Variants in FOXN2 observed in about 807,000 individuals in gnomAD.
The protein encoded by FOXN2 is forkhead box protein N2.
FOXN2 carries 19 observed loss-of-function variants against 41.2 expected under a neutral mutation model. That is an observed-to-expected ratio of 0.46 (90% CI 0.32 to 0.68). FOXN2 has a LOEUF of 0.68. Ranked by LOEUF, FOXN2 falls within the 30% of genes least tolerant of loss-of-function variation. The pLI is 0.03. For missense variants in FOXN2, 587 were observed against 509.4 expected (o/e 1.15, Z -1.47); for synonymous variants, 195 against 176.8 (o/e 1.10, Z -0.82).
upstream of FOXN2, among the ~76,000 whole-genome samples, chr2:48,314,447 C>A (rs947695336): frequency 6.6e-6 from 1 of 152,242 alleles, no homozygotes; most frequent in Admixed American, 6.5e-5. Flanking sequence ...TGCATTTCAC[C>A]CCCACCCCAG....
chr2:48,318,162 C>G (rs1482825757), intron 1 of FOXN2, among the ~76,000 whole-genome samples: 1 of 152,134 alleles, frequency 6.6e-6, no homozygotes, highest in African/African-American at 2.4e-5. Context: ...TGTTCAATTT[C>G]CTACATTACA....
At chr2:48,322,560 T>G (rs972568223) in intron 1 of FOXN2, among the ~76,000 whole-genome samples, 2 of 152,058 alleles carry the variant, frequency 1.3e-5, no homozygotes, top group Non-Finnish European at 2.9e-5. Flanking sequence ...TTCATTAAGC[T>G]TGCTTTCTTT....
At chr2:48,343,522 G>C (rs778866801) in intron 2 of FOXN2, among the ~76,000 whole-genome samples, 1 of 152,188 alleles carries the variant, frequency 6.6e-6, no homozygotes, top group Non-Finnish European at 1.5e-5. Flanking sequence ...ACTTTGGGAA[G>C]CTGAGGCAGG....
intron 5 of FOXN2, among the ~76,000 whole-genome samples, chr2:48,362,917 A>G (rs1188233226): frequency 6.6e-6 from 1 of 152,192 alleles, no homozygotes; most frequent in East Asian, 1.9e-4. Flanking sequence ...CTGCACTGCT[A>G]GTCCTGTAAA....
intron 3 of FOXN2, among the ~76,000 whole-genome samples, chr2:48,349,600 C>T (rs1323111435): frequency 6.6e-6 from 1 of 152,076 alleles, no homozygotes; most frequent in African/African-American, 2.4e-5. Flanking sequence ...ATGGAGAAGC[C>T]CTGTCTCTAC....
chr2:48,317,303 G>C (rs1306165980), intron 1 of FOXN2, among the ~76,000 whole-genome samples: 1 of 151,958 alleles, frequency 6.6e-6, no homozygotes, highest in African/African-American at 2.4e-5. Flanking sequence ...ACAAAAATTA[G>C]CTGGGCCTCG....
chr2:48,336,202 A>G (rs9309152), intron 2 of FOXN2, among the ~76,000 whole-genome samples: 68,701 of 151,414 alleles, frequency 0.45, 15,803 homozygotes, highest in East Asian at 0.53. Flanking sequence ...TCAGGAGTTC[A>G]AGACCAGCCT....
intron 1 of FOXN2, among the ~76,000 whole-genome samples, chr2:48,325,752 C>G (rs550359113): frequency 5.4e-5 from 8 of 149,310 alleles, no homozygotes; most frequent in African/African-American, 1.7e-4. Flanking sequence ...TCAGGTGTGA[C>G]AAATGTTATC....
At chr2:48,324,516 G>A (rs1172786707) in intron 1 of FOXN2, among the ~76,000 whole-genome samples, 2 of 151,312 alleles carry the variant, frequency 1.3e-5, no homozygotes, top group South Asian at 4.2e-4. Flanking sequence ...ATTTTTTTTT[G>A]TTTCATGTAG....
intron 1 of FOXN2, among the ~76,000 whole-genome samples, chr2:48,325,084 T>A (rs1669574758): frequency 6.6e-6 from 1 of 152,268 alleles, no homozygotes. Context: ...ATGTAGATAC[T>A]GAATCAGTTA....
At chr2:48,329,835 G>GC (rs1274059571) in intron 2 of FOXN2, among the ~76,000 whole-genome samples, 1 of 151,882 alleles carries the variant, frequency 6.6e-6, no homozygotes, top group Non-Finnish European at 1.5e-5. Flanking sequence ...CCTTTTATAT[G>GC]CCTTTTTTTT....
At chr2:48,351,506 G>C (rs1254221997) in intron 3 of FOXN2, among the ~76,000 whole-genome samples, 1 of 152,174 alleles carries the variant, frequency 6.6e-6, no homozygotes, top group African/African-American at 2.4e-5. Context: ...TGACGCTAGG[G>C]ACTGGTTTTG....
chr2:48,315,236 T>G (rs1668825480), intron 1 of FOXN2, among the ~76,000 whole-genome samples: 1 of 152,004 alleles, frequency 6.6e-6, no homozygotes, highest in African/African-American at 2.4e-5. Context: ...CCCAAGCACC[T>G]CGGAGCCTTT....
At chr2:48,354,368 G>A (rs541157883) in intron 3 of FOXN2, among the ~76,000 whole-genome samples, 2 of 152,296 alleles carry the variant, frequency 1.3e-5, no homozygotes, top group African/African-American at 4.8e-5. Flanking sequence ...TTTGGAGGCT[G>A]AGGTGGGCGG....
In FOXN2 at chr2:48,330,784, A is replaced by G. The variant is rs894576519; in HGVS notation, c.-15+2082A>G. 9.9e-5 allele frequency among the ~76,000 whole-genome samples: 15 copies of G among 152,284 alleles called. No homozygotes were observed. The South Asian group carries it at 1.0e-3, about 11-fold the overall frequency. The stretch of plus-strand genomic sequence containing the variant: ...AAATTAAGTGTAACCCAAAAATCCT[A>G]TTCTTACATGCTTCAGGATTCACAT... On this transcript the variant is annotated intron_variant, in intron 2 of 6. Coordinates refer to ENST00000340553, the MANE Select transcript of FOXN2 (RefSeq NM_002158.4).
chr2:48,352,476 T>C (rs1026178262), intron 3 of FOXN2, among the ~76,000 whole-genome samples: 10 of 152,248 alleles, frequency 6.6e-5, no homozygotes, highest in Non-Finnish European at 1.2e-4. Flanking sequence ...TAGTGTTCAC[T>C]ATTTTGTCTT....
intron 3 of FOXN2, among the ~76,000 whole-genome samples, chr2:48,357,726 G>A (rs377695034): frequency 2.1e-4 from 32 of 151,968 alleles, no homozygotes; most frequent in African/African-American, 7.0e-4. Flanking sequence ...GTGAGCCACC[G>A]CACCTGGCCT....
At chr2:48,341,219 A>G (rs1055043275) in intron 2 of FOXN2, among the ~76,000 whole-genome samples, 4 of 152,156 alleles carry the variant, frequency 2.6e-5, no homozygotes, top group Non-Finnish European at 5.9e-5. Context: ...AAGCAAACTG[A>G]CCATGCATAT....
rs574980247 is a variant in FOXN2, at chr2:48,317,595, C to CTT, written c.-157+2810_-157+2811dup. 6.7e-3 allele frequency among the ~76,000 whole-genome samples: 231 copies of CTT among 34,732 alleles called. 64 individuals carry two copies. The highest frequency in any genetic ancestry group is 0.018 in the African/African-American group (212 of 11,510). The allele number at this position is 34,732 out of a possible 152,430, so 22.8% of individuals were successfully genotyped here. ...ACAATGCCTATAGCCTATAGTATTG[C>CTT]TTTTTTTTTTTTTTTTTTTTTTTTT... On this transcript the variant is annotated intron_variant, in intron 1 of 6. Transcript: ENST00000340553.
Sources: gnomAD v4.1 joint callset for allele counts (sites outside exome capture counted in the v4.1 genomes callset) on GRCh38, gnomAD v4.1.1 for gene constraint, MANE v1.5 for transcripts, NCBI Gene and HGNC (gene_info 2026-07-23, HGNC 2026-07-21) for gene names.